TGIF2: variants seen among roughly 807,000 people sequenced by gnomAD.
The protein encoded by TGIF2 is TGFB induced factor homeobox 2.
A neutral mutation model predicts 15.1 loss-of-function variants in TGIF2; 5 were observed. That is an observed-to-expected ratio of 0.33 (90% CI 0.17 to 0.70). The LOEUF is 0.70. TGIF2 is among the 30% of genes least tolerant of loss of function. The pLI is 0.67. For synonymous variants in TGIF2, 131 were observed against 128.9 expected, an observed-to-expected ratio of 1.02 and a Z score of -0.11; for missense variants, 264 against 302.5, an observed-to-expected ratio of 0.87 and a Z score of 0.94.
intron 2 of TGIF2, among the ~76,000 whole-genome samples, chr20:36,581,500 GGCT>G (rs1214498168): frequency 6.6e-6 from 1 of 152,064 alleles, no homozygotes; most frequent in Non-Finnish European, 1.5e-5. Context: ...CTAGGTTTGG[GGCT>G]GCTGCTTATA....
At position 36,591,789 on chromosome 20, in the gene TGIF2, G is replaced by A. The variant is rs1471982159; in HGVS notation, c.*358G>A. On this transcript the variant is annotated 3_prime_UTR_variant, in exon 3 of 3. Transcript: ENST00000373872. This position sits in a 1 kb window ranked among gnomAD's most constrained non-coding sequence, Gnocchi z 5.3. ...GCTGCCAAATTCAGTCCTATGTTGG[G>A]TCCAAGCTGCCCCTGTGCTGTTTCT... The A allele has an allele frequency of 5.1e-6, 1 of 194,630 alleles. No homozygotes were observed. The highest frequency in any genetic ancestry group is 5.4e-5 in the Admixed American group (1 of 18,594). 12.1% of individuals were successfully genotyped at this position (194,630 alleles called of 1,614,324 possible).
chr20:36,579,114 T>C (rs2038492509), intron 2 of TGIF2, 148 bp downstream of exon 2: 1 of 1,075,132 alleles, frequency 9.3e-7, no homozygotes, highest in African/African-American at 1.6e-5. Context: ...GAACACCCAC[T>C]CTCCCTGTCT....
chr20:36,578,747 C>G lies in TGIF2; in HGVS notation c.-28C>G, dbSNP rs374969064. 1.8e-5 allele frequency: 29 copies of G among 1,583,646 alleles called. No homozygotes were observed. Among genetic ancestry groups the G allele is most frequent in the Middle Eastern group, 3.8e-4 (2 of 5,302 alleles). Reference sequence around the variant, plus strand: ...CCTGTGTCCCTTGTCCCAGGTTTACCCAAGGTCCAGCCTAGCCCCTAGGCA... The same window carrying G: ...CCTGTGTCCCTTGTCCCAGGTTTACGCAAGGTCCAGCCTAGCCCCTAGGCA... On this transcript the variant is annotated 5_prime_UTR_variant, in exon 2 of 3. Transcript: ENST00000373872.
Position 36,591,476 on chromosome 20 carries a change from G to A in TGIF2, c.*45G>A. 6.5e-7 allele frequency: 1 copy of A among 1,543,966 alleles called. No homozygotes were observed. Among genetic ancestry groups the A allele is most frequent in the South Asian group, 1.2e-5 (1 of 81,192 alleles). ...CTGAAGGCTCCAGCCAGCTGTCCTG[G>A]GTTTCCGTTTTGGTTCCCTTTCATA... On this transcript the variant is annotated 3_prime_UTR_variant, in exon 3 of 3. Transcript: ENST00000373872. This position sits in a 1 kb window ranked among gnomAD's most constrained non-coding sequence, Gnocchi z 5.3.
rs1372459825 is a variant in TGIF2 at position 36,591,161 on chromosome 20, T to C, written c.444T>C (p.Arg148=). 3 of 1,613,984 alleles carry C rather than the reference T, an allele frequency of 1.9e-6. No homozygotes were observed. The highest frequency in any genetic ancestry group is 2.5e-6 in the Non-Finnish European group (3 of 1,179,962). ...AAAAGCCAGCAGCCCCTTTCCCACGTGGGGAGCTGGAGTCTCCCAAGCCCC... is the reference window on the plus strand; with the variant it reads ...AAAAGCCAGCAGCCCCTTTCCCACGCGGGGAGCTGGAGTCTCCCAAGCCCC... ...QGEKPAAPFP[R]GELESPKPLV... is the part of the protein sequence containing the mutation. The change falls in exon 3 of 3, where the codon CGT becomes CGC. Residue 148 remains arginine (R), a synonymous_variant. Coordinates refer to ENST00000373872, the MANE Select transcript of TGIF2 (RefSeq NM_021809.7). The surrounding 1 kb of genome is among the most constrained non-coding windows in gnomAD (Gnocchi z 5.3).
intron 2 of TGIF2, among the ~76,000 whole-genome samples, chr20:36,587,600 A>C (rs1289696497): frequency 6.6e-6 from 1 of 152,142 alleles, no homozygotes; most frequent in South Asian, 2.1e-4. Context: ...CTCACTCTTC[A>C]GCTGGCAGTG....
rs181413953 is a variant in TGIF2 at position 36,586,306 on chromosome 20, C to G, written c.193-4604C>G. 2.2e-3 allele frequency among the ~76,000 whole-genome samples: 328 copies of G among 152,296 alleles called. 8 individuals are homozygous for G. In the South Asian group the frequency reaches 0.043, roughly 20 times the overall value. On this transcript the variant is annotated intron_variant, in intron 2 of 2. Transcript: ENST00000373872. The stretch of plus-strand genomic sequence containing the variant: ...TGGTTCCTAAGCCTGGGCGGCCAGA[C>G]TTTCTGGGTAGCTGGTCTGAAAACA...
chr20:36,583,788 T>C (rs1364062501), intron 2 of TGIF2, among the ~76,000 whole-genome samples: 1 of 152,108 alleles, frequency 6.6e-6, no homozygotes, highest in African/African-American at 2.4e-5. Context: ...TCCCAGCTAC[T>C]TGGGAGACTG....
At chr20:36,576,556 C>G (rs1198437843) in intron 1 of TGIF2, among the ~76,000 whole-genome samples, 1 of 152,150 alleles carries the variant, frequency 6.6e-6, no homozygotes, top group East Asian at 1.9e-4. Flanking sequence ...GGTCCAAATC[C>G]GACTTCACTA....
chr20:36,591,080 C>G lies in TGIF2; in HGVS notation c.363C>G (p.Pro121=). 1 of 1,596,756 alleles carries G rather than the reference C, an allele frequency of 6.3e-7. No individual in the cohort carries two copies. The highest frequency in any genetic ancestry group is 8.6e-7 in the Non-Finnish European group (1 of 1,166,804). Residue 121 remains proline (P), a synonymous_variant, in exon 3 of 3, where the codon CCC becomes CCG. Transcript: ENST00000373872. This position sits in a 1 kb window ranked among gnomAD's most constrained non-coding sequence, Gnocchi z 5.3. ...TGCTGGCTGTGTCTGTCCCAGCCCC[C>G]ACCAATGTGCTCTCCCTGTCTGTGT... The part of the protein sequence containing the change: ...PSVLAVSVPA[P]TNVLSLSVCS...
At chr20:36,584,154 C>T (rs1421071116) in intron 2 of TGIF2, among the ~76,000 whole-genome samples, 2 of 152,204 alleles carry the variant, frequency 1.3e-5, no homozygotes, top group African/African-American at 2.4e-5. Flanking sequence ...AACCCTGGTC[C>T]CCTACATTCC....
intron 1 of TGIF2, among the ~76,000 whole-genome samples, chr20:36,577,004 ATTTT>A (rs112821778): frequency 6.7e-6 from 1 of 148,182 alleles, no homozygotes; most frequent in East Asian, 2.0e-4. Flanking sequence ...AGCACGTGGC[ATTTT>A]TTTTTTATTA....
chr20:36,590,859 C>G (rs2038755865), intron 2 of TGIF2, 51 bp from the exon 3 acceptor site: 2 of 1,496,938 alleles, frequency 1.3e-6, no homozygotes, highest in East Asian at 2.3e-5. Flanking sequence ...GTGCCCAGCC[C>G]ATAGCTGTTT....
Position 36,591,165 on chromosome 20 carries a change from G to C in TGIF2, c.448G>C (p.Glu150Gln). Residue 150 changes from glutamate to glutamine, a missense_variant, in exon 3 of 3, where the codon GAG becomes CAG. Physicochemically the swap from Glu to Gln is conservative, Grantham distance 29. Transcript: ENST00000373872. This position sits in a 1 kb window ranked among gnomAD's most constrained non-coding sequence, Gnocchi z 5.3. ...EKPAAPFPRGELESPKPLVTP... is the reference protein window; with the variant it reads ...EKPAAPFPRGQLESPKPLVTP... ...GCCAGCAGCCCCTTTCCCACGTGGG[G>C]AGCTGGAGTCTCCCAAGCCCCTGGT... 6.2e-7 allele frequency: 1 copy of C among 1,614,170 alleles called. No homozygotes were observed. The highest frequency in any genetic ancestry group is 1.1e-5 in the South Asian group (1 of 91,086).
chr20:36,578,948 C>A lies in TGIF2; in HGVS notation c.174C>A (p.Thr58=). ...EQEKLSLSGQ[T]NLSVLQICNW... ...AGAAGCTGAGCCTTTCTGGACAGAC[C>A]AACCTGTCAGTGCTGCAAGTAAGGA... Residue 58 remains threonine (T), a synonymous_variant, in exon 2 of 3, where the codon ACC becomes ACA. Transcript: ENST00000373872. 1 of 1,613,902 alleles carries A rather than the reference C, an allele frequency of 6.2e-7. No individual in the cohort carries two copies. Among genetic ancestry groups the A allele is most frequent in the Non-Finnish European group, 8.5e-7 (1 of 1,179,908 alleles).
intron 1 of TGIF2, among the ~76,000 whole-genome samples, chr20:36,575,918 C>T (rs572749049): frequency 9.9e-5 from 15 of 151,686 alleles, no homozygotes; most frequent in Non-Finnish European, 2.1e-4. Flanking sequence ...CATGGCAAAA[C>T]CCTGTCTCTA....
intron 2 of TGIF2, among the ~76,000 whole-genome samples, chr20:36,590,132 A>G (rs2038739865): frequency 6.7e-6 from 1 of 149,576 alleles, no homozygotes; most frequent in African/African-American, 2.5e-5. Flanking sequence ...ATTTTTTTGT[A>G]TTTTTGTAGA....
chr20:36,589,473 ACCTCTG>A (rs2038725079), intron 2 of TGIF2, among the ~76,000 whole-genome samples: 1 of 151,056 alleles, frequency 6.6e-6, no homozygotes, highest in South Asian at 2.1e-4. Flanking sequence ...GCTCACTGCA[ACCTCTG>A]CCTCCCGGGT....
chr20:36,586,806 G>A (rs2038669267), intron 2 of TGIF2, among the ~76,000 whole-genome samples: 1 of 151,856 alleles, frequency 6.6e-6, no homozygotes, highest in South Asian at 2.1e-4. Flanking sequence ...ATGATGTTTG[G>A]GAAAGGCGCC....
Sources: allele counts gnomAD v4.1 joint callset (sites outside exome capture counted in the v4.1 genomes callset), GRCh38; gene constraint gnomAD v4.1.1; non-coding constraint Gnocchi (gnomAD v3.1); transcripts MANE v1.5; gene names NCBI Gene and HGNC (gene_info 2026-07-23, HGNC 2026-07-21).